Variants in SCHIP1 observed in about 807,000 individuals in gnomAD.
SCHIP1 encodes schwannomin interacting protein 1.
A neutral mutation model predicts 29.7 loss-of-function variants in SCHIP1; 8 were observed. The ratio of observed to expected loss-of-function variants is 0.27; its 90% CI spans 0.16 to 0.49. The LOEUF (loss-of-function observed/expected upper bound fraction) is 0.49. Among genes scored for constraint, SCHIP1 ranks in the 20% least tolerant of loss-of-function variants. The pLI is 0.99. For missense variants in SCHIP1, 193 were observed against 294.6 expected, an observed-to-expected ratio of 0.66 and a Z score of 2.52; for synonymous variants, 76 against 94.9, an observed-to-expected ratio of 0.80 and a Z score of 1.16.
At chr3:159,573,377 T>C in the SCHIP1 span, among the ~76,000 whole-genome samples, 2 of 152,180 alleles carry the variant, frequency 1.3e-5, no homozygotes, top group Non-Finnish European at 2.9e-5. Flanking sequence ...TATGAAGCTT[T>C]GTTTGGCTGG....
the SCHIP1 span, among the ~76,000 whole-genome samples, chr3:159,805,843 C>T: frequency 6.8e-6 from 1 of 146,108 alleles, no homozygotes; most frequent in African/African-American, 2.6e-5. Context: ...GAGTCTCGCT[C>T]TGTCACCCAG....
At chr3:159,807,082 T>C in the SCHIP1 span, among the ~76,000 whole-genome samples, 1 of 152,230 alleles carries the variant, frequency 6.6e-6, no homozygotes, top group Non-Finnish European at 1.5e-5. Flanking sequence ...TACATTTCAG[T>C]TGACAGATTT....
the SCHIP1 span, among the ~76,000 whole-genome samples, chr3:159,588,082 C>T: frequency 5.3e-5 from 8 of 152,216 alleles, no homozygotes; most frequent in Non-Finnish European, 1.0e-4. Flanking sequence ...TACAGTACCA[C>T]CAACAGTGTA....
At chr3:159,308,517 T>G in the SCHIP1 span, among the ~76,000 whole-genome samples, 1 of 152,010 alleles carries the variant, frequency 6.6e-6, no homozygotes, top group Non-Finnish European at 1.5e-5. Context: ...ATTAAACAGA[T>G]GCTGGTAAGA....
At chr3:159,719,686 T>C in the SCHIP1 span, among the ~76,000 whole-genome samples, 1 of 152,162 alleles carries the variant, frequency 6.6e-6, no homozygotes, top group Admixed American at 6.5e-5. Flanking sequence ...TACAATGAGA[T>C]AGCATCTCAC....
At chr3:159,794,722 A>G in the SCHIP1 span, among the ~76,000 whole-genome samples, 1 of 152,182 alleles carries the variant, frequency 6.6e-6, no homozygotes, top group African/African-American at 2.4e-5. Context: ...CAGAGTGCCA[A>G]AGGGGCCCTC....
At chr3:159,290,405 A>G in the SCHIP1 span, among the ~76,000 whole-genome samples, 13 of 152,180 alleles carry the variant, frequency 8.5e-5, no homozygotes, top group Non-Finnish European at 1.6e-4. Flanking sequence ...ATGTTTACCT[A>G]TATGTGGACA....
At chr3:159,507,466 C>T in the SCHIP1 span, among the ~76,000 whole-genome samples, 1 of 152,168 alleles carries the variant, frequency 6.6e-6, no homozygotes, top group Non-Finnish European at 1.5e-5. Context: ...ATTTCCTTCT[C>T]CTGCCTGATT....
chr3:159,871,888 G>C (rs1159536347), intron 2 of SCHIP1, among the ~76,000 whole-genome samples: 1 of 152,142 alleles, frequency 6.6e-6, no homozygotes, highest in Non-Finnish European at 1.5e-5. Flanking sequence ...GCAGATAGCA[G>C]GGCAAGAGGG....
chr3:159,403,460 C>T, the SCHIP1 span, among the ~76,000 whole-genome samples: 1 of 152,160 alleles, frequency 6.6e-6, no homozygotes, highest in African/African-American at 2.4e-5. Context: ...CTGTATGGCA[C>T]AGAGAAAGAA....
chr3:159,498,668 TA>T, the SCHIP1 span, among the ~76,000 whole-genome samples: 169 of 143,114 alleles, frequency 1.2e-3, no homozygotes, highest in South Asian at 1.3e-3. Flanking sequence ...ACACTTTGCC[TA>T]AAAAAAAAAA....
At chr3:159,439,200 G>A in the SCHIP1 span, among the ~76,000 whole-genome samples, 43 of 152,184 alleles carry the variant, frequency 2.8e-4, 1 homozygote, top group African/African-American at 1.0e-3. Context: ...GTGTGAGATG[G>A]TATCTGTATT....
the SCHIP1 span, chr3:159,768,176 A>C: frequency 6.6e-6 from 1 of 152,144 alleles, no homozygotes; most frequent in African/African-American, 2.4e-5. Context: ...AAATAATTTG[A>C]AATAAAAGGA....
chr3:159,314,117 A>G, the SCHIP1 span, among the ~76,000 whole-genome samples: 1 of 152,040 alleles, frequency 6.6e-6, no homozygotes, highest in African/African-American at 2.4e-5. Flanking sequence ...ATTCAGGGAG[A>G]TAGTTTGGGT....
chr3:159,482,434 A>T, the SCHIP1 span, among the ~76,000 whole-genome samples: 16 of 152,268 alleles, frequency 1.1e-4, no homozygotes, highest in African/African-American at 3.9e-4. Flanking sequence ...GGAAGCATTG[A>T]ATGATTCACT....
chr3:159,382,407 T>C, the SCHIP1 span, among the ~76,000 whole-genome samples: 2 of 151,294 alleles, frequency 1.3e-5, no homozygotes, highest in Non-Finnish European at 2.9e-5. Flanking sequence ...GATTTCCAAT[T>C]TCATCCATGT....
the SCHIP1 span, among the ~76,000 whole-genome samples, chr3:159,540,125 T>C: frequency 6.6e-6 from 1 of 152,058 alleles, no homozygotes; most frequent in Non-Finnish European, 1.5e-5. Context: ...TCTTCCCCAC[T>C]TCCCTTTTAT....
chr3:159,428,844 C>T, the SCHIP1 span, among the ~76,000 whole-genome samples: 1 of 152,288 alleles, frequency 6.6e-6, no homozygotes. Flanking sequence ...GGCACATATA[C>T]ACCATGGAAT....
chr3:159,555,310 T>C, the SCHIP1 span, among the ~76,000 whole-genome samples: 1 of 152,208 alleles, frequency 6.6e-6, no homozygotes, highest in Non-Finnish European at 1.5e-5. Context: ...TGAGAATTAA[T>C]TTTGTTTGCT....
Sources: allele counts gnomAD v4.1 joint callset (sites outside exome capture counted in the v4.1 genomes callset), GRCh38; gene constraint gnomAD v4.1.1; transcripts MANE v1.5; gene names NCBI Gene and HGNC (gene_info 2026-07-23, HGNC 2026-07-21).